Variants in SRGAP3 observed in about 807,000 individuals in gnomAD.
The protein encoded by SRGAP3 is SLIT-ROBO Rho GTPase-activating protein 3.
Under a neutral mutation model 121.1 loss-of-function variants are expected in SRGAP3, and 39 were observed. That is an observed-to-expected ratio of 0.32 (90% CI 0.25 to 0.42). The LOEUF (loss-of-function observed/expected upper bound fraction) is 0.42. Among genes scored for constraint, SRGAP3 ranks in the 10% least tolerant of loss-of-function variants. SRGAP3 has a pLI of 1.00. For synonymous variants in SRGAP3, 601 were observed against 570.0 expected (o/e 1.05, Z -0.77); for missense variants, 1,213 against 1,470.6 (o/e 0.82, Z 2.86).
At chr3:9,289,643 G>T (rs558734671) in intron 3 of SRGAP3, among the ~76,000 whole-genome samples, 4 of 152,240 alleles carry the variant, frequency 2.6e-5, no homozygotes, top group African/African-American at 9.6e-5. Flanking sequence ...TTATCCTTTA[G>T]GTGACAGATT....
chr3:9,138,345 A>C (rs1386039947), intron 1 of SRGAP3, among the ~76,000 whole-genome samples: 1 of 152,252 alleles, frequency 6.6e-6, no homozygotes, highest in Non-Finnish European at 1.5e-5. Flanking sequence ...CAATGAACAC[A>C]AAATAATGTT....
chr3:9,102,940 C>T (rs1575077729), intron 3 of SRGAP3, among the ~76,000 whole-genome samples: 2 of 152,194 alleles, frequency 1.3e-5, no homozygotes, highest in South Asian at 2.1e-4. Context: ...CAGGCGGGGG[C>T]TGGGAATGGG....
chr3:9,213,330 A>G (rs1320168430), intron 1 of SRGAP3, among the ~76,000 whole-genome samples: 2 of 30,620 alleles, frequency 6.5e-5, no homozygotes, highest in African/African-American at 6.8e-4. Flanking sequence ...CATCATCTGA[A>G]AAAAAAAAAA....
chr3:9,078,264 T>TG (rs1317162949), intron 4 of SRGAP3, among the ~76,000 whole-genome samples: 14 of 152,084 alleles, frequency 9.2e-5, no homozygotes, highest in East Asian at 1.9e-4. Flanking sequence ...TGGGAATGAA[T>TG]GGGGGGGTCC....
chr3:9,300,414 C>T (rs1277666298), intron 3 of SRGAP3, among the ~76,000 whole-genome samples: 1 of 151,878 alleles, frequency 6.6e-6, no homozygotes, highest in African/African-American at 2.4e-5. Flanking sequence ...TTCTGTGACG[C>T]TTCCTCACAT....
intron 1 of SRGAP3, among the ~76,000 whole-genome samples, chr3:9,144,549 C>A (rs1575140232): frequency 6.6e-6 from 1 of 152,212 alleles, no homozygotes; most frequent in African/African-American, 2.4e-5. Context: ...GTAGTTGAAT[C>A]ATGGGGGCCT....
At chr3:9,111,208 T>C (rs1269196912) in intron 2 of SRGAP3, among the ~76,000 whole-genome samples, 1 of 151,918 alleles carries the variant, frequency 6.6e-6, no homozygotes, top group Non-Finnish European at 1.5e-5. Context: ...CGAATGTGGG[T>C]AGAGTTAGAA....
chr3:9,140,114 C>G (rs1331847194), intron 1 of SRGAP3, among the ~76,000 whole-genome samples: 1 of 136,866 alleles, frequency 7.3e-6, no homozygotes, highest in Non-Finnish European at 1.6e-5. Flanking sequence ...CTTCTAGGCT[C>G]AGAGGCATAC....
intron 10 of SRGAP3, among the ~76,000 whole-genome samples, chr3:9,043,624 G>C (rs1945121777): frequency 6.6e-6 from 1 of 152,092 alleles, no homozygotes; most frequent in Non-Finnish European, 1.5e-5. Context: ...TTTAGAAACA[G>C]GGTGACTGTC....
At position 9,342,011 on chromosome 3, in the gene SRGAP3, A is replaced by T. The variant is rs1360424341; in HGVS notation, n.215-11415T>A. Among the ~76,000 whole-genome samples the T allele has an allele frequency of 2.6e-5, 4 of 152,198 alleles. No individual in the cohort carries two copies. The East Asian group carries it at 7.7e-4, about 29-fold the overall frequency. On this transcript the variant is annotated intron_variant and non_coding_transcript_variant, in intron 1 of 3. Transcript: ENST00000490889. ...TACAGGCTTTACTAACACTTTGCTAACAACAGTAACTTTTGCCGAAGTTTC... is the reference window on the plus strand; with the variant it reads ...TACAGGCTTTACTAACACTTTGCTATCAACAGTAACTTTTGCCGAAGTTTC...
At chr3:9,204,734 G>C (rs749750071) in intron 1 of SRGAP3, among the ~76,000 whole-genome samples, 1 of 152,100 alleles carries the variant, frequency 6.6e-6, no homozygotes, top group African/African-American at 2.4e-5. Flanking sequence ...CACAGAAGGC[G>C]TAAGCCGGGC....
intron 1 of SRGAP3, among the ~76,000 whole-genome samples, chr3:9,163,403 C>T (rs755147000): frequency 2.0e-5 from 3 of 152,206 alleles, no homozygotes; most frequent in African/African-American, 7.2e-5. Flanking sequence ...AACAAGCAGA[C>T]GGTGCGGCTC....
intron 3 of SRGAP3, among the ~76,000 whole-genome samples, chr3:9,285,009 T>A (rs1954744477): frequency 6.6e-6 from 1 of 152,006 alleles, no homozygotes; most frequent in African/African-American, 2.4e-5. Context: ...ATCTGCAAAC[T>A]GAATAACCAG....
At chr3:9,040,243 C>T (rs547418817) in intron 10 of SRGAP3, among the ~76,000 whole-genome samples, 1 of 152,278 alleles carries the variant, frequency 6.6e-6, no homozygotes, top group Admixed American at 6.5e-5. Context: ...TGCTTAGAAC[C>T]CTCCAATAAC....
chr3:9,065,988 G>A (rs533308538), intron 4 of SRGAP3, among the ~76,000 whole-genome samples: 1 of 152,074 alleles, frequency 6.6e-6, no homozygotes, highest in African/African-American at 2.4e-5. Flanking sequence ...AAATAGAGAC[G>A]GGGTTTTGCC....
intron 1 of SRGAP3, among the ~76,000 whole-genome samples, chr3:9,212,776 C>T (rs902220042): frequency 3.9e-5 from 6 of 152,178 alleles, no homozygotes; most frequent in Admixed American, 1.3e-4. Flanking sequence ...GAGGGCAGAA[C>T]GTGTGTCCTC....
At chr3:9,019,115 G>A (rs1000751185) in intron 14 of SRGAP3, among the ~76,000 whole-genome samples, 1 of 152,070 alleles carries the variant, frequency 6.6e-6, no homozygotes, top group Non-Finnish European at 1.5e-5. Flanking sequence ...CAATCTCTTA[G>A]GGGTCAACAT....
rs1941549684 is a variant in SRGAP3 at position 8,983,877 on chromosome 3, T to C, written c.*1642A>G. The stretch of plus-strand genomic sequence containing the variant: ...GGCTGGGACTCAGACTCTGGGCCTT[T>C]TGACTCCAAACTTCAGTGGCCTCGA... On this transcript the variant is annotated 3_prime_UTR_variant, in exon 22 of 22. Transcript: ENST00000383836. 1 of 229,490 alleles carries C rather than the reference T, an allele frequency of 4.4e-6. No homozygotes were observed. The highest frequency in any genetic ancestry group is 2.2e-5 in the African/African-American group (1 of 45,106). The allele number at this position is 229,490 out of a possible 1,614,324, so 14.2% of individuals were successfully genotyped here.
At chr3:9,269,533 A>G (rs908778340) in intron 3 of SRGAP3, among the ~76,000 whole-genome samples, 13 of 152,218 alleles carry the variant, frequency 8.5e-5, no homozygotes, top group African/African-American at 3.1e-4. Context: ...TTGCCTGGAC[A>G]AAGTTCTTAT....
Sources: allele counts gnomAD v4.1 joint callset (sites outside exome capture counted in the v4.1 genomes callset), GRCh38; gene constraint gnomAD v4.1.1; transcripts MANE v1.5; gene names NCBI Gene and HGNC (gene_info 2026-07-23, HGNC 2026-07-21).